The following MYT1L variants were observed in gnomAD, a reference collection of about 807,000 sequenced individuals.
The protein encoded by MYT1L is myelin transcription factor 1 like, also known as myelin transcription factor 1-like protein.
Under a neutral mutation model 126.7 loss-of-function variants are expected in MYT1L, and 12 were observed. That is an observed-to-expected ratio of 0.09 (90% CI 0.06 to 0.15). The LOEUF (loss-of-function observed/expected upper bound fraction) is 0.15. Among genes scored for constraint, MYT1L ranks in the 10% least tolerant of loss-of-function variants. The pLI is 1.00. For missense variants in MYT1L, 979 were observed against 1,585.2 expected (o/e 0.62, Z 6.49); for synonymous variants, 541 against 604.2 (o/e 0.90, Z 1.53).
At chr2:2,009,009 T>G (rs1156399321) in intron 4 of MYT1L, among the ~76,000 whole-genome samples, 1 of 152,210 alleles carries the variant, frequency 6.6e-6, no homozygotes, top group African/African-American at 2.4e-5. Flanking sequence ...TTCAATTTAT[T>G]TGGGGGCTCT....
intron 2 of MYT1L, among the ~76,000 whole-genome samples, chr2:2,216,038 T>G (rs1189245443): frequency 3.3e-5 from 5 of 150,728 alleles, no homozygotes; most frequent in Non-Finnish European, 5.9e-5. Context: ...TGTGTCTGTC[T>G]GTCTGTCTCT....
At chr2:2,062,178 A>G (rs544968439) in intron 3 of MYT1L, among the ~76,000 whole-genome samples, 1 of 152,360 alleles carries the variant, frequency 6.6e-6, no homozygotes, top group South Asian at 2.1e-4. Context: ...CTTTACTGTC[A>G]TAACTATGAA....
chr2:2,159,778 C>T (rs1421351966), intron 3 of MYT1L, among the ~76,000 whole-genome samples: 3 of 152,056 alleles, frequency 2.0e-5, no homozygotes, highest in Non-Finnish European at 4.4e-5. Context: ...AAGCCCTGTG[C>T]TATTACCTTG....
chr2:1,794,009 T>C, intron 23 of MYT1L, among the ~76,000 whole-genome samples: 1 of 152,188 alleles, frequency 6.6e-6, no homozygotes. Context: ...CTAGAGATGA[T>C]GTCAGTGTAA....
chr2:2,160,397 G>A (rs941991621), intron 3 of MYT1L, among the ~76,000 whole-genome samples: 5 of 152,188 alleles, frequency 3.3e-5, no homozygotes, highest in Non-Finnish European at 7.3e-5. Context: ...GTTGATGAAG[G>A]AACGTTTTCT....
intron 2 of MYT1L, among the ~76,000 whole-genome samples, chr2:2,173,974 C>T (rs1284939481): frequency 1.3e-5 from 2 of 152,074 alleles, no homozygotes; most frequent in Non-Finnish European, 2.9e-5. Context: ...ACAAGATTTC[C>T]TAGGAAACAC....
chr2:2,079,109 T>C (rs2075539435), intron 3 of MYT1L, among the ~76,000 whole-genome samples: 3 of 152,232 alleles, frequency 2.0e-5, no homozygotes, highest in Admixed American at 6.5e-5. Flanking sequence ...CTTCCCAGGC[T>C]CCAGAACTGT....
chr2:2,004,479 T>TGTCTTCTTTCCTGTG lies in MYT1L; in HGVS notation c.-157-7133_-157-7132insCACAGGAAAGAAGAC, dbSNP rs2062915824. 1.6e-5 allele frequency among the ~76,000 whole-genome samples: 2 copies of TGTCTTCTTTCCTGTG among 121,826 alleles called. 1 individual carries two copies. The highest frequency in any genetic ancestry group is 6.5e-5 in the African/African-American group (2 of 30,804). 79.9% of individuals were successfully genotyped at this position (121,826 alleles called of 152,430 possible). A position where few individuals can be genotyped will look rare whatever the true frequency, so the allele number is the denominator to read the frequency against. ...CTTTCCTGAATATGTTCTTTCCTGC[T>TGTCTTCTTTCCTGTG]TGCCTTCTTTCCTGCAGGCATTCTT... is the stretch of plus-strand genomic sequence containing the variant. On this transcript the variant is annotated intron_variant, in intron 4 of 24. Transcript: ENST00000647738.
intron 4 of MYT1L, among the ~76,000 whole-genome samples, chr2:2,043,365 G>T (rs1430803475): frequency 6.6e-6 from 1 of 152,142 alleles, no homozygotes; most frequent in Non-Finnish European, 1.5e-5. Flanking sequence ...GAAATTTCTT[G>T]TTATGTTGTT....
intron 19 of MYT1L, among the ~76,000 whole-genome samples, chr2:1,849,616 C>T (rs901327253): frequency 3.3e-5 from 5 of 152,252 alleles, no homozygotes; most frequent in African/African-American, 7.2e-5. Flanking sequence ...ACAGGTCCCA[C>T]GGTGCGGAGG....
chr2:2,146,184 A>T (rs1575479264), intron 3 of MYT1L, among the ~76,000 whole-genome samples: 1 of 152,370 alleles, frequency 6.6e-6, no homozygotes, highest in Non-Finnish European at 1.5e-5. Flanking sequence ...TGTTTACAAA[A>T]TATTAATATT....
chr2:2,285,567 T>A (rs889142749), intron 1 of MYT1L, among the ~76,000 whole-genome samples: 1 of 152,204 alleles, frequency 6.6e-6, no homozygotes, highest in Non-Finnish European at 1.5e-5. Context: ...TTTGCATATC[T>A]CTTTACCTCT....
intron 4 of MYT1L, among the ~76,000 whole-genome samples, chr2:2,046,220 TGACA>T (rs1466212710): frequency 6.6e-6 from 1 of 152,236 alleles, no homozygotes; most frequent in Non-Finnish European, 1.5e-5. Context: ...TCCAATGCAC[TGACA>T]AGCATCTACG....
intron 2 of MYT1L, among the ~76,000 whole-genome samples, chr2:2,221,239 C>T (rs552001489): frequency 2.7e-4 from 41 of 152,178 alleles, no homozygotes; most frequent in African/African-American, 7.5e-4. Flanking sequence ...CTGAGGAGGG[C>T]AGACTGGGAG....
chr2:2,056,504 A>G (rs902756166), intron 3 of MYT1L, among the ~76,000 whole-genome samples: 3 of 152,232 alleles, frequency 2.0e-5, no homozygotes, highest in Non-Finnish European at 4.4e-5. Context: ...CCATCCGTCC[A>G]TCCATCCATC....
intron 3 of MYT1L, among the ~76,000 whole-genome samples, chr2:2,102,003 A>G (rs192620335): frequency 2.2e-3 from 334 of 152,228 alleles, no homozygotes; most frequent in Middle Eastern, 6.8e-3. Flanking sequence ...TTAAGCACAC[A>G]TTTTTCATCT....
intron 2 of MYT1L, among the ~76,000 whole-genome samples, chr2:2,201,719 G>C (rs1203741644): frequency 6.6e-6 from 1 of 151,610 alleles, no homozygotes; most frequent in East Asian, 1.9e-4. Context: ...AAAATCGTAA[G>C]TGTTTTAAAG....
At chr2:1,794,798 C>T (rs1231606410) in intron 23 of MYT1L, among the ~76,000 whole-genome samples, 2 of 152,140 alleles carry the variant, frequency 1.3e-5, no homozygotes, top group East Asian at 3.9e-4. Context: ...AAATGCTTTG[C>T]TTTTCTCAAA....
At chr2:2,115,637 G>A (rs1413628975) in intron 3 of MYT1L, among the ~76,000 whole-genome samples, 1 of 152,242 alleles carries the variant, frequency 6.6e-6, no homozygotes, top group African/African-American at 2.4e-5. Flanking sequence ...GGGCCTGGGT[G>A]ACATGCTGAA....
Sources: gnomAD v4.1 joint callset for allele counts (sites outside exome capture counted in the v4.1 genomes callset) on GRCh38, gnomAD v4.1.1 for gene constraint, MANE v1.5 for transcripts, NCBI Gene and HGNC (gene_info 2026-07-23, HGNC 2026-07-21) for gene names.